Variants in KLKB1 observed in about 807,000 individuals in gnomAD.
KLKB1 encodes the protein kallikrein B1.
Under a neutral mutation model 73.6 loss-of-function variants are expected in KLKB1, and 58 were observed. The ratio of observed to expected loss-of-function variants is 0.79; its 90% CI spans 0.64 to 0.98. The LOEUF is 0.98. KLKB1 is among the 50% of genes least tolerant of loss of function. The probability of loss-of-function intolerance (pLI) is 0.00; values close to 1 mark genes in which losing one functional copy is unlikely to be tolerated. For missense variants in KLKB1, 737 were observed against 763.8 expected (o/e 0.96, Z 0.41); for synonymous variants, 280 against 258.1 (o/e 1.08, Z -0.81).
At chr4:186,256,981 C>A (rs1397713663) in intron 13 of KLKB1, among the ~76,000 whole-genome samples, 1 of 81,708 alleles carries the variant, frequency 1.2e-5, no homozygotes, top group East Asian at 4.8e-4. Context: ...CCCTCTTCCT[C>A]TCTCTGTCTC....
At chr4:186,237,354 C>T (rs4253254) in intron 5 of KLKB1, among the ~76,000 whole-genome samples, 84,987 of 151,944 alleles carry the variant, frequency 0.56, 24,134 homozygotes, top group East Asian at 0.68. Context: ...ACCTCAGCCT[C>T]CCAAAGCGCT....
intron 12 of KLKB1, among the ~76,000 whole-genome samples, 165 bp downstream of exon 12, chr4:186,254,928 G>A (rs767845048): frequency 2.0e-5 from 3 of 152,176 alleles, no homozygotes; most frequent in Non-Finnish European, 4.4e-5. Flanking sequence ...GCGACTTGCC[G>A]TGAAATCTCT....
chr4:186,227,990 C>T (rs995846805), intron 1 of KLKB1, among the ~76,000 whole-genome samples: 2 of 152,192 alleles, frequency 1.3e-5, no homozygotes, highest in African/African-American at 4.8e-5. Flanking sequence ...CTGGAGGTCT[C>T]AATTTGTATC....
intron 4 of KLKB1, among the ~76,000 whole-genome samples, chr4:186,235,842 G>C (rs532099666): frequency 6.6e-6 from 1 of 151,978 alleles, no homozygotes; most frequent in Admixed American, 6.5e-5. Context: ...GAGGCCGGGC[G>C]CGGTGGCTCA....
rs1236839931 is a variant in KLKB1, at chr4:186,254,530, A to G, written c.1314-58A>G. The G allele has an allele frequency of 5.2e-6, 7 of 1,351,206 alleles. No homozygotes were observed. The East Asian group carries it at 1.6e-4, about 31-fold the overall frequency. The allele number at this position is 1,351,206 out of a possible 1,614,324, so 83.7% of individuals were successfully genotyped here. A position where few individuals can be genotyped will look rare whatever the true frequency, so the allele number is the denominator to read the frequency against. On this transcript the variant is annotated intron_variant, in intron 11 of 14. Coordinates refer to ENST00000264690, the MANE Select transcript of KLKB1 (RefSeq NM_000892.5). ...TTGAAAGAGAGTGATAGGAAAAAGG[A>G]ACACTATTGAAGGAAGGACTGCCCA...
chr4:186,226,844 G>T (rs189761989), upstream of KLKB1, among the ~76,000 whole-genome samples: 2 of 152,334 alleles, frequency 1.3e-5, no homozygotes, highest in East Asian at 1.9e-4. Context: ...GCCTGGGGTT[G>T]CTGGGGCTAA....
intron 13 of KLKB1, 130 bp downstream of exon 13, chr4:186,256,217 C>T: frequency 1.4e-6 from 1 of 701,480 alleles, no homozygotes; most frequent in Non-Finnish European, 2.6e-6. Flanking sequence ...CTATTTATTC[C>T]CAAATATTTA....
Position 186,257,346 on chromosome 4 carries a change from G to A in KLKB1, c.1706G>A (p.Gly569Glu), listed in dbSNP as rs1326484987. The A allele has an allele frequency of 1.3e-6, 2 of 1,591,240 alleles. No homozygotes were observed. Among genetic ancestry groups the A allele is most frequent in the African/African-American group, 1.3e-5 (1 of 74,470 alleles). ...ATGGTCTGTGCTGGCTATAAAGAAGGGGGAAAAGATGCTTGTAAGGTAACT... is the reference window on the plus strand; with the variant it reads ...ATGGTCTGTGCTGGCTATAAAGAAGAGGGAAAAGATGCTTGTAAGGTAACT... ...QRMVCAGYKE[G>E]GKDACKGDSG... The change falls in exon 14 of 15, where the codon GGG becomes GAG. Residue 569 changes from glycine (G) to glutamate (E), a missense_variant. Physicochemically the swap from Gly to Glu is moderately conservative, Grantham distance 98 (BLOSUM62 -2). Transcript: ENST00000264690.
intron 2 of KLKB1, among the ~76,000 whole-genome samples, chr4:186,229,830 T>A (rs1737310867): frequency 6.6e-6 from 1 of 152,224 alleles, no homozygotes; most frequent in South Asian, 2.1e-4. Flanking sequence ...TGACCCTGAT[T>A]CTTCTGCTGA....
intron 2 of KLKB1, among the ~76,000 whole-genome samples, chr4:186,216,651 A>T (rs1019022344): frequency 3.9e-5 from 6 of 152,148 alleles, no homozygotes; most frequent in Non-Finnish European, 8.8e-5. Context: ...AAGCACGTGC[A>T]GTTTGTTGGA....
At position 186,248,705 on chromosome 4, in the gene KLKB1, C is replaced by T. The variant is rs368010633; in HGVS notation, c.599-1538C>T. Among the ~76,000 whole-genome samples, 4 of 145,966 alleles carry T rather than the reference C, an allele frequency of 2.7e-5. No homozygotes were observed. In the East Asian group the frequency reaches 8.4e-4, roughly 31 times the overall value. ...ATGTATATACTTAGGATTAAAATTG[C>T]TGGATCACAGAGTAACTCCATGTTT... On this transcript the variant is annotated intron_variant, in intron 6 of 14. Coordinates refer to ENST00000264690, the MANE Select transcript of KLKB1 (RefSeq NM_000892.5).
intron 2 of KLKB1, among the ~76,000 whole-genome samples, chr4:186,220,182 C>T (rs1305308861): frequency 6.6e-6 from 1 of 152,010 alleles, no homozygotes; most frequent in Non-Finnish European, 1.5e-5. Flanking sequence ...GGTGCCACTT[C>T]CACTTCTGCC....
upstream of KLKB1, among the ~76,000 whole-genome samples, chr4:186,224,631 T>A (rs1358667652): frequency 6.6e-6 from 1 of 152,252 alleles, no homozygotes; most frequent in African/African-American, 2.4e-5. Flanking sequence ...ACCCACATTG[T>A]GTTTTGGAAG....
At chr4:186,230,765 C>G (rs144630645) in intron 2 of KLKB1, among the ~76,000 whole-genome samples, 12 of 152,156 alleles carry the variant, frequency 7.9e-5, no homozygotes, top group African/African-American at 2.7e-4. Context: ...TTGTATGCAT[C>G]CTTGCATGGG....
chr4:186,252,386 G>A (rs959835263), intron 11 of KLKB1, among the ~76,000 whole-genome samples: 1 of 152,130 alleles, frequency 6.6e-6, no homozygotes, highest in Non-Finnish European at 1.5e-5. Context: ...GTACAGGGCA[G>A]ATGGCGCTGA....
intron 3 of KLKB1, among the ~76,000 whole-genome samples, 187 bp from the exon 4 acceptor site, chr4:186,233,765 G>T (rs1737522691): frequency 1.3e-5 from 2 of 152,212 alleles, no homozygotes; most frequent in African/African-American, 4.8e-5. Flanking sequence ...AGAAAACGCA[G>T]TGATGGAGTT....
chr4:186,236,978 G>C (rs1334078405), intron 5 of KLKB1, 38 bp downstream of exon 5: 2 of 1,605,638 alleles, frequency 1.2e-6, no homozygotes, highest in South Asian at 2.2e-5. Context: ...TTGTATTGGT[G>C]CCTCCAGGAT....
chr4:186,233,836 A>C, intron 3 of KLKB1, 116 bp from the exon 4 acceptor site: 1 of 741,536 alleles, frequency 1.3e-6, no homozygotes, highest in South Asian at 1.5e-5. Flanking sequence ...AGTATTGGGG[A>C]AGCTATATTA....
In KLKB1 at chr4:186,232,177, G is replaced by T; in HGVS notation, c.109G>T (p.Ala37Ser). ...ENAFFRGGDV[A>S]SMYTPNAQYC... ...CGCCTTCTTCAGAGGTGGGGATGTA[G>T]CTTCCATGTACACCCCAAATGCCCA... Residue 37 changes from alanine to serine, a missense_variant, in exon 3 of 15, where the codon GCT becomes TCT. Physicochemically the swap from Ala to Ser is moderately conservative, Grantham distance 99. Transcript: ENST00000264690. The T allele has an allele frequency of 6.2e-7, 1 of 1,613,454 alleles. No individual in the cohort carries two copies. The highest frequency in any genetic ancestry group is 1.1e-5 in the South Asian group (1 of 91,048).
Sources: allele counts gnomAD v4.1 joint callset (sites outside exome capture counted in the v4.1 genomes callset), GRCh38; gene constraint gnomAD v4.1.1; transcripts MANE v1.5; gene names NCBI Gene and HGNC (gene_info 2026-07-23, HGNC 2026-07-21).